Variants in CNTN4 observed in about 807,000 individuals in gnomAD.
CNTN4 encodes contactin 4, also known as contactin-4.
In CNTN4, 77 loss-of-function variants were observed where a neutral mutation model predicts 122.5. The observed-to-expected ratio is 0.63, with a 90% confidence interval of 0.52 to 0.76. CNTN4 has a LOEUF of 0.76. Ranked by LOEUF, CNTN4 falls within the 30% of genes least tolerant of loss-of-function variation. The pLI is 0.00. For missense variants in CNTN4, 1,256 were observed against 1,259.1 expected, an observed-to-expected ratio of 1.00 and a Z score of 0.04; for synonymous variants, 512 against 447.0, an observed-to-expected ratio of 1.15 and a Z score of -1.83.
intron 12 of CNTN4, among the ~76,000 whole-genome samples, chr3:2,907,016 A>T (rs913594702): frequency 6.6e-6 from 1 of 152,180 alleles, no homozygotes; most frequent in Non-Finnish European, 1.5e-5. Context: ...GCAGTTAAAG[A>T]TTGAGTGTGT....
chr3:3,038,514 G>C (rs1032533640), intron 18 of CNTN4, among the ~76,000 whole-genome samples: 3 of 152,114 alleles, frequency 2.0e-5, no homozygotes, highest in African/African-American at 7.2e-5. Context: ...TGGTGCAGGC[G>C]CTCCTCCACT....
chr3:2,943,313 C>G (rs1247698646), intron 13 of CNTN4, among the ~76,000 whole-genome samples: 1 of 152,032 alleles, frequency 6.6e-6, no homozygotes, highest in Non-Finnish European at 1.5e-5. Context: ...ATAGCTAAAT[C>G]GAAAGCAAAC....
rs1326310268 is a variant in CNTN4 at position 2,362,601 on chromosome 3, G to T, written c.-89+23368G>T. 7.9e-6 allele frequency: 4 copies of T among 503,838 alleles called. No homozygotes were observed. The East Asian group carries it at 2.0e-4, about 26-fold the overall frequency. The allele number at this position is 503,838 out of a possible 1,614,324, so 31.2% of individuals were successfully genotyped here. A position where few individuals can be genotyped will look rare whatever the true frequency, so the allele number is the denominator to read the frequency against. On this transcript the variant is annotated intron_variant, in intron 3 of 24. Coordinates refer to ENST00000418658, the MANE Select transcript of CNTN4 (RefSeq NM_175607.3). Reference sequence around the variant, plus strand: ...GCAGCTTCTTGGACACCTACTCCTTGTGTGTAAGAAGATAGCAAGGGCTGA... The same window carrying T: ...GCAGCTTCTTGGACACCTACTCCTTTTGTGTAAGAAGATAGCAAGGGCTGA...
At chr3:2,931,572 A>G (rs1416433641) in intron 13 of CNTN4, among the ~76,000 whole-genome samples, 1 of 152,150 alleles carries the variant, frequency 6.6e-6, no homozygotes, top group Non-Finnish European at 1.5e-5. Flanking sequence ...CCTAATTTAT[A>G]TATTTTATAG....
At position 2,636,679 on chromosome 3, in the gene CNTN4, C is replaced by T. The variant is rs181305189; in HGVS notation, c.55+65121C>T. Among the ~76,000 whole-genome samples, 376 of 152,156 alleles carry T rather than the reference C, an allele frequency of 2.5e-3. 1 individual carries two copies. Among genetic ancestry groups the T allele is most frequent in the African/African-American group, 8.6e-3 (356 of 41,512 alleles). On this transcript the variant is annotated intron_variant, in intron 4 of 24. Coordinates refer to ENST00000418658, the MANE Select transcript of CNTN4 (RefSeq NM_175607.3). ...TCCAAATAAGCTTATAAAACCCAAA[C>T]AAAATTACAAACACCAATTACCAAT...
chr3:2,749,926 C>A (rs1576654979), intron 6 of CNTN4, among the ~76,000 whole-genome samples: 3 of 152,080 alleles, frequency 2.0e-5, no homozygotes, highest in South Asian at 4.1e-4. Flanking sequence ...TTACTAGTTT[C>A]TTTGACTCCA....
intron 6 of CNTN4, among the ~76,000 whole-genome samples, chr3:2,811,027 G>GAA (rs562525698): frequency 6.6e-5 from 9 of 137,048 alleles, no homozygotes; most frequent in South Asian, 2.3e-4. Flanking sequence ...AAAAAAAAAA[G>GAA]AAAAAAAAAA....
intron 3 of CNTN4, among the ~76,000 whole-genome samples, chr3:2,520,811 C>A (rs1172843412): frequency 1.3e-5 from 2 of 152,062 alleles, no homozygotes; most frequent in Non-Finnish European, 2.9e-5. Context: ...CGTACCTGTG[C>A]AGATGACAGA....
chr3:2,898,352 C>A (rs2151109570), intron 10 of CNTN4, among the ~76,000 whole-genome samples: 1 of 152,246 alleles, frequency 6.6e-6, no homozygotes, highest in African/African-American at 2.4e-5. Context: ...GGTGATCTCC[C>A]ACAGACACTG....
At chr3:2,257,766 A>C (rs2149723403) in intron 2 of CNTN4, among the ~76,000 whole-genome samples, 1 of 152,334 alleles carries the variant, frequency 6.6e-6, no homozygotes, top group South Asian at 2.1e-4. Context: ...GGTGATCATT[A>C]AAAAGTTAGG....
intron 3 of CNTN4, among the ~76,000 whole-genome samples, chr3:2,556,508 T>A (rs2078725849): frequency 6.6e-6 from 1 of 152,304 alleles, no homozygotes; most frequent in South Asian, 2.1e-4. Context: ...GGATGTGCAG[T>A]AGGTTTTTTT....
chr3:2,812,209 A>G (rs1034414999), intron 6 of CNTN4, among the ~76,000 whole-genome samples: 1 of 152,194 alleles, frequency 6.6e-6, no homozygotes, highest in Non-Finnish European at 1.5e-5. Flanking sequence ...AATAATCTGT[A>G]CAACAAACCC....
At chr3:2,418,135 G>A (rs183869445) in intron 3 of CNTN4, among the ~76,000 whole-genome samples, 36 of 152,110 alleles carry the variant, frequency 2.4e-4, no homozygotes, top group African/African-American at 8.0e-4. Context: ...TGTAAACTCC[G>A]GACTCTGGGT....
chr3:2,146,404 G>C (rs570474020), intron 2 of CNTN4, among the ~76,000 whole-genome samples: 3 of 151,612 alleles, frequency 2.0e-5, no homozygotes, highest in Admixed American at 1.3e-4. Flanking sequence ...TATGCATATA[G>C]TATCTATGTA....
chr3:2,258,289 C>A (rs191576165), intron 2 of CNTN4, among the ~76,000 whole-genome samples: 3 of 152,282 alleles, frequency 2.0e-5, no homozygotes, highest in African/African-American at 7.2e-5. Context: ...AAGACACATG[C>A]ACATGTATGT....
At chr3:2,420,821 C>T (rs1448483869) in intron 3 of CNTN4, among the ~76,000 whole-genome samples, 1 of 152,126 alleles carries the variant, frequency 6.6e-6, no homozygotes, top group Non-Finnish European at 1.5e-5. Context: ...CACTGTAATA[C>T]TTGTTTTAGA....
intron 3 of CNTN4, among the ~76,000 whole-genome samples, chr3:2,453,720 T>C (rs932244589): frequency 6.6e-6 from 1 of 152,170 alleles, no homozygotes; most frequent in Non-Finnish European, 1.5e-5. Flanking sequence ...AACTGCATCA[T>C]TGAGAATTCA....
intron 2 of CNTN4, among the ~76,000 whole-genome samples, chr3:2,325,652 T>C (rs2043428171): frequency 1.3e-5 from 2 of 152,206 alleles, no homozygotes; most frequent in South Asian, 4.1e-4. Flanking sequence ...AGATGTCTCT[T>C]TGCTGTACAA....
rs10630939 is a variant in CNTN4, at chr3:3,005,887, A to ATTT, written c.1486+17429_1486+17431dup. 6.8e-3 allele frequency among the ~76,000 whole-genome samples: 993 copies of ATTT among 145,334 alleles called. 55 individuals are homozygous for ATTT. Among genetic ancestry groups the ATTT allele is most frequent in the South Asian group, 0.057 (260 of 4,590 alleles). ...ACTCTATCTCAGCACACTGTGTAGA[A>ATTT]TTTTTTTTTTTTTTTTGAGACGGAT... On this transcript the variant is annotated intron_variant, in intron 14 of 24. Coordinates refer to ENST00000418658, the MANE Select transcript of CNTN4 (RefSeq NM_175607.3).
Sources: allele counts gnomAD v4.1 joint callset (sites outside exome capture counted in the v4.1 genomes callset), GRCh38; gene constraint gnomAD v4.1.1; transcripts MANE v1.5; gene names NCBI Gene and HGNC (gene_info 2026-07-23, HGNC 2026-07-21).